The following MAGI3 variants were observed in gnomAD, a reference collection of about 807,000 sequenced individuals.
MAGI3 encodes the protein membrane-associated guanylate kinase, WW and PDZ domain-containing protein 3.
Under a neutral mutation model 121.8 loss-of-function variants are expected in MAGI3, and 43 were observed. The observed-to-expected ratio is 0.35, with a 90% CI of 0.28 to 0.46. MAGI3 has a LOEUF of 0.46. Ranked by LOEUF, MAGI3 falls within the 20% of genes least tolerant of loss-of-function variation. MAGI3 has a pLI of 1.00. For missense variants in MAGI3, 1,547 were observed against 1,797.3 expected, an observed-to-expected ratio of 0.86 and a Z score of 2.52; for synonymous variants, 553 against 639.3, an observed-to-expected ratio of 0.86 and a Z score of 2.04.
chr1:113,683,279 T>C lies in MAGI3; in HGVS notation c.3711T>C (p.Asp1237=). The C allele has an allele frequency of 6.2e-7, 1 of 1,612,984 alleles. No homozygotes were observed. The highest frequency in any genetic ancestry group is 8.5e-7 in the Non-Finnish European group (1 of 1,179,672). The change falls in exon 21 of 21, where the codon GAT becomes GAC. Residue 1237 remains aspartate, a synonymous_variant. Transcript: ENST00000307546. ...PASQHSEEHL[D]KIPSPLKNNP... ...GTCAACATTCAGAGGAACATTTGGA[T>C]AAGATTCCTAGTCCTCTAAAAAATA...
At chr1:113,492,512 A>G (rs1326872514) in intron 1 of MAGI3, among the ~76,000 whole-genome samples, 16 of 152,186 alleles carry the variant, frequency 1.1e-4, no homozygotes, top group Admixed American at 1.0e-3. Context: ...GGAAAAGAAT[A>G]CCACTCGTTT....
chr1:113,613,066 G>A (rs1428579492), intron 6 of MAGI3, among the ~76,000 whole-genome samples: 1 of 152,038 alleles, frequency 6.6e-6, no homozygotes, highest in Non-Finnish European at 1.5e-5. Flanking sequence ...CTGTTATAGT[G>A]CAGTTTTACA....
chr1:113,635,394 C>A (rs1445680266), intron 9 of MAGI3, among the ~76,000 whole-genome samples: 2 of 151,794 alleles, frequency 1.3e-5, no homozygotes, highest in Non-Finnish European at 2.9e-5. Flanking sequence ...TTTTGAGATA[C>A]GTCCCATCAA....
intron 1 of MAGI3, among the ~76,000 whole-genome samples, chr1:113,432,514 G>T (rs1653351392): frequency 6.6e-6 from 1 of 152,068 alleles, no homozygotes; most frequent in Non-Finnish European, 1.5e-5. Flanking sequence ...GTAGGATAGG[G>T]AAGGGTTGTT....
At chr1:113,464,838 T>C (rs1439196871) in intron 1 of MAGI3, among the ~76,000 whole-genome samples, 1 of 152,188 alleles carries the variant, frequency 6.6e-6, no homozygotes, top group African/African-American at 2.4e-5. Context: ...CGTTTTTAAA[T>C]CAGATTCTTT....
intron 9 of MAGI3, among the ~76,000 whole-genome samples, chr1:113,624,849 AGATTT>A (rs1437219585): frequency 1.3e-5 from 2 of 152,330 alleles, no homozygotes; most frequent in African/African-American, 4.8e-5. Flanking sequence ...TTGAAGTCTT[AGATTT>A]AAGTCTTTAA....
intron 7 of MAGI3, among the ~76,000 whole-genome samples, chr1:113,616,301 C>T (rs1220749424): frequency 6.6e-6 from 1 of 152,142 alleles, no homozygotes; most frequent in Non-Finnish European, 1.5e-5. Context: ...TTGTATTAGA[C>T]TAAGAAGGAG....
At chr1:113,425,107 C>T (rs968521717) in intron 1 of MAGI3, among the ~76,000 whole-genome samples, 10 of 151,514 alleles carry the variant, frequency 6.6e-5, no homozygotes, top group African/African-American at 1.7e-4. Flanking sequence ...TGCAGTGGGC[C>T]GAGATCACGC....
chr1:113,411,371 T>C (rs1450794755), intron 1 of MAGI3, among the ~76,000 whole-genome samples: 1 of 152,078 alleles, frequency 6.6e-6, no homozygotes, highest in Non-Finnish European at 1.5e-5. Context: ...TTTTTAAGTC[T>C]TATATTTTCT....
Position 113,672,721 on chromosome 1 carries a change from G to C in MAGI3, c.3025G>C (p.Val1009Leu). The change falls in exon 18 of 21, where the codon GTA becomes CTA. Residue 1009 changes from valine (V) to leucine (L), a missense_variant. By Grantham distance (32) the Val-to-Leu change is conservative (BLOSUM62 1). Transcript: ENST00000307546. ...AQPDTAVISV[V>L]GSRHNQNLGC... ...GCCTGACACCGCAGTAATTTCAGTTGTAGGCAGTCGGCACAATCAGGTAAA... is the reference window on the plus strand; with the variant it reads ...GCCTGACACCGCAGTAATTTCAGTTCTAGGCAGTCGGCACAATCAGGTAAA... The C allele has an allele frequency of 6.2e-7, 1 of 1,612,482 alleles. No individual in the cohort carries two copies. Among genetic ancestry groups the C allele is most frequent in the Non-Finnish European group, 8.5e-7 (1 of 1,179,366 alleles).
chr1:113,588,493 A>C (rs1369607102), intron 4 of MAGI3, among the ~76,000 whole-genome samples: 1 of 152,196 alleles, frequency 6.6e-6, no homozygotes, highest in Non-Finnish European at 1.5e-5. Flanking sequence ...TTTGATTTTT[A>C]TTCTGAAATG....
intron 1 of MAGI3, among the ~76,000 whole-genome samples, chr1:113,437,354 G>T (rs1452547594): frequency 6.6e-6 from 1 of 151,948 alleles, no homozygotes; most frequent in African/African-American, 2.4e-5. Context: ...TTTTTAAACT[G>T]ATTACTAATT....
chr1:113,511,182 A>G (rs1179165997), intron 1 of MAGI3, among the ~76,000 whole-genome samples: 1 of 152,210 alleles, frequency 6.6e-6, no homozygotes, highest in Non-Finnish European at 1.5e-5. Flanking sequence ...TGTCTAAGGA[A>G]TATAGTACCT....
intron 1 of MAGI3, among the ~76,000 whole-genome samples, chr1:113,504,105 G>C (rs1168004161): frequency 6.6e-6 from 1 of 151,916 alleles, no homozygotes; most frequent in Non-Finnish European, 1.5e-5. Context: ...CGGTTAAAGA[G>C]GATTTCTCAT....
intron 1 of MAGI3, among the ~76,000 whole-genome samples, chr1:113,487,980 G>A (rs1327701743): frequency 6.6e-6 from 1 of 152,002 alleles, no homozygotes; most frequent in African/African-American, 2.4e-5. Context: ...CTGTAGAAAT[G>A]GTAAAGTTAT....
chr1:113,496,036 C>T (rs558584495), intron 1 of MAGI3, among the ~76,000 whole-genome samples: 2 of 152,240 alleles, frequency 1.3e-5, no homozygotes, highest in East Asian at 3.9e-4. Flanking sequence ...GATTTTGAAG[C>T]ATTTAGTGGT....
intron 9 of MAGI3, among the ~76,000 whole-genome samples, chr1:113,629,763 C>CCT (rs1553209694): frequency 6.1e-3 from 273 of 45,016 alleles, no homozygotes; most frequent in Middle Eastern, 0.027. Context: ...TCTCTCTCTC[C>CCT]CTCCCTCCCT....
chr1:113,449,918 T>C (rs772075588), intron 1 of MAGI3: 45 of 1,520,880 alleles, frequency 3.0e-5, no homozygotes, highest in Non-Finnish European at 3.9e-5. Flanking sequence ...CAATGTGTGC[T>C]TGACCACACA....
rs538982474 is a variant in MAGI3, at chr1:113,562,504, T to G, written c.433+12873T>G. 9.8e-5 allele frequency among the ~76,000 whole-genome samples: 15 copies of G among 152,312 alleles called. No individual in the cohort carries two copies. In the South Asian group the frequency reaches 1.0e-3, roughly 11 times the overall value. On this transcript the variant is annotated intron_variant, in intron 2 of 20. Coordinates refer to ENST00000307546, the MANE Select transcript of MAGI3 (RefSeq NM_001142782.2). ...ATCAAAATGGCCATACTGCCCAAAG[T>G]AATTTATAGATTCAGTGCTATTCCC...
Sources: gnomAD v4.1 joint callset for allele counts (sites outside exome capture counted in the v4.1 genomes callset) on GRCh38, gnomAD v4.1.1 for gene constraint, MANE v1.5 for transcripts, NCBI Gene and HGNC (gene_info 2026-07-23, HGNC 2026-07-21) for gene names.